Variants in HHEX observed in about 807,000 individuals in gnomAD.
The protein encoded by HHEX is hematopoietically-expressed homeobox protein HHEX.
Under a neutral mutation model 27.0 loss-of-function variants are expected in HHEX, and 8 were observed. That is an observed-to-expected ratio of 0.30 (90% CI 0.17 to 0.54). The LOEUF is 0.54. HHEX is among the 20% of genes least tolerant of loss of function. The probability of loss-of-function intolerance (pLI) is 0.95; values close to 1 mark genes in which losing one functional copy is unlikely to be tolerated. For synonymous variants in HHEX, 164 were observed against 161.5 expected, an observed-to-expected ratio of 1.02 and a Z score of -0.12; for missense variants, 326 against 357.2, an observed-to-expected ratio of 0.91 and a Z score of 0.70.
rs142036619 is a variant in HHEX, at chr10:92,690,177, C to T, written c.191C>T (p.Pro64Leu). 2 of 1,565,922 alleles carry T rather than the reference C, an allele frequency of 1.3e-6. No individual in the cohort carries two copies. Among genetic ancestry groups the T allele is most frequent in the South Asian group, 1.2e-5 (1 of 85,236 alleles). Residue 64 changes from proline to leucine, a missense_variant, in exon 1 of 4, where the codon CCC becomes CTC. Physicochemically the swap from Pro to Leu is moderately conservative, Grantham distance 98. This residue lies in a region of HHEX where 215 missense variants were observed against 196.4 expected (regional missense o/e 1.09). Coordinates refer to ENST00000282728, the MANE Select transcript of HHEX (RefSeq NM_002729.5). ...PNSSFTSLVSPYRTPVYEPTP... is the reference protein window; with the variant it reads ...PNSSFTSLVSLYRTPVYEPTP... ...TCCTCCTTCACCAGCCTCGTGTCCCCCTACCGGACCCCGGTGTACGAGCCC... is the reference window on the plus strand; with the variant it reads ...TCCTCCTTCACCAGCCTCGTGTCCCTCTACCGGACCCCGGTGTACGAGCCC...
rs764744029 is a variant in HHEX at position 92,690,162 on chromosome 10, C to T, written c.176C>T (p.Thr59Ile). 11 of 1,558,662 alleles carry T rather than the reference C, an allele frequency of 7.1e-6. No homozygotes were observed. Among genetic ancestry groups the T allele is most frequent in the South Asian group, 5.9e-5 (5 of 84,676 alleles). ...PTLPSPNSSF[T>I]SLVSPYRTPV... ...CTGCCGTCCCCCAACTCCTCCTTCA[C>T]CAGCCTCGTGTCCCCCTACCGGACC... The change falls in exon 1 of 4, where the codon ACC becomes ATC. Residue 59 changes from threonine to isoleucine, a missense_variant. Around this residue, in one of 4 missense-constraint regions of HHEX, gnomAD observed 215 missense variants for 196.4 expected, o/e 1.09. Transcript: ENST00000282728.
chr10:92,694,374 A>G lies in HHEX; in HGVS notation c.592-173A>G, dbSNP rs1330813597. Among the ~76,000 whole-genome samples the G allele has an allele frequency of 3.3e-5, 5 of 152,252 alleles. No homozygotes were observed. In the East Asian group the frequency reaches 9.6e-4, roughly 29 times the overall value. On this transcript the variant is annotated intron_variant, in intron 3 of 3. Coordinates refer to ENST00000282728, the MANE Select transcript of HHEX (RefSeq NM_002729.5). ...TTGATATGACAGAAACTTTTCTTCC[A>G]AAGTGAGCAAAAAGCACAAGTATGT...
At chr10:92,693,349 G>A (rs780675536) in intron 3 of HHEX, among the ~76,000 whole-genome samples, 31 of 152,112 alleles carry the variant, frequency 2.0e-4, no homozygotes, top group African/African-American at 5.3e-4. Context: ...ACCTTGTTTC[G>A]CAATATGTGA....
rs182124968 is a variant in HHEX, at chr10:92,692,618, C to T, written c.540+72C>T. 84 of 1,604,324 alleles carry T rather than the reference C, an allele frequency of 5.2e-5. 1 individual carries two copies. The Middle Eastern group carries it at 2.2e-3, about 41-fold the overall frequency. ...TCTGGGGTAGGGGTCGCCGGGCCACCGAGAGAGAGGCGAGGAGCCACCCTG... is the reference window on the plus strand; with the variant it reads ...TCTGGGGTAGGGGTCGCCGGGCCACTGAGAGAGAGGCGAGGAGCCACCCTG... On this transcript the variant is annotated intron_variant, in intron 2 of 3. Coordinates refer to ENST00000282728, the MANE Select transcript of HHEX (RefSeq NM_002729.5).
intron 3 of HHEX, 21 bp downstream of exon 3, chr10:92,692,773 C>T: frequency 6.3e-7 from 1 of 1,596,156 alleles, no homozygotes; most frequent in Non-Finnish European, 8.6e-7. Flanking sequence ...GGTTCTGTTT[C>T]TATGGAAATA....
At chr10:92,691,148 C>G (rs183799964) in intron 1 of HHEX, among the ~76,000 whole-genome samples, 1 of 152,130 alleles carries the variant, frequency 6.6e-6, no homozygotes, top group Non-Finnish European at 1.5e-5. Flanking sequence ...ACGGACCGAC[C>G]GACACTACTT....
At chr10:92,694,487 C>T in intron 3 of HHEX, 60 bp from the exon 4 acceptor site, 1 of 1,234,254 alleles carries the variant, frequency 8.1e-7, no homozygotes, top group Non-Finnish European at 1.2e-6. Flanking sequence ...TTGATTTATT[C>T]CTCTCACCTA....
At chr10:92,693,065 A>T (rs1289188527) in intron 3 of HHEX, among the ~76,000 whole-genome samples, 1 of 152,254 alleles carries the variant, frequency 6.6e-6, no homozygotes, top group Admixed American at 6.5e-5. Flanking sequence ...AAAGTAATTG[A>T]CAGTAAATGA....
chr10:92,689,972 G>C lies in HHEX; in HGVS notation c.-15G>C, dbSNP rs1404128253. On this transcript the variant is annotated 5_prime_UTR_variant, in exon 1 of 4. Transcript: ENST00000282728. The stretch of plus-strand genomic sequence containing the variant: ...GGGCCAGCAGCTCTGCGAGGGGCCG[G>C]AGCGCGGCGGAGCCATGCAGTACCC... The C allele has an allele frequency of 1.3e-5, 18 of 1,353,582 alleles. No individual in the cohort carries two copies. The African/African-American group carries it at 2.3e-4, about 17-fold the overall frequency. 83.8% of individuals were successfully genotyped at this position (1,353,582 alleles called of 1,614,324 possible).
Position 92,692,406 on chromosome 10 carries a change from C to G in HHEX, c.400C>G (p.Leu134Val). 1 of 1,614,032 alleles carries G rather than the reference C, an allele frequency of 6.2e-7. No individual in the cohort carries two copies. Among genetic ancestry groups the G allele is most frequent in the Non-Finnish European group, 8.5e-7 (1 of 1,180,002 alleles). ...CTGGAGCCCCTTCTTGCAGAGGCCT[C>G]TGCATAAAAGGAAAGGCGGCCAGGT... The part of the protein sequence containing the change: ...LLWSPFLQRP[L>V]HKRKGGQVRF... The change falls in exon 2 of 4, where the codon CTG becomes GTG. Residue 134 changes from leucine (L) to valine (V), a missense_variant. Leu to Val is a conservative substitution (Grantham distance 32). Coordinates refer to ENST00000282728, the MANE Select transcript of HHEX (RefSeq NM_002729.5).
chr10:92,690,416 AG>A, intron 1 of HHEX, 69 bp downstream of exon 1: 1 of 1,379,062 alleles, frequency 7.3e-7, no homozygotes, highest in Non-Finnish European at 9.4e-7. Flanking sequence ...CGGGAGGCCG[AG>A]GGGGCGAAGG....
In HHEX at chr10:92,692,738, A is replaced by AG; in HGVS notation, c.579dup (p.Arg194GlufsTer11). ...GTTTCAGAATCGACGCGCTAAATGG[A>AG]GGAGACTAAAACAGGTATGGACATG... On this transcript the variant is annotated frameshift_variant, in exon 3 of 4. Transcript: ENST00000282728. LOFTEE classifies it high-confidence loss of function. The AG allele has an allele frequency of 6.2e-7, 1 of 1,613,492 alleles. No homozygotes were observed. Among genetic ancestry groups the AG allele is most frequent in the Non-Finnish European group, 8.5e-7 (1 of 1,179,452 alleles).
chr10:92,694,368 T>C (rs954434568), intron 3 of HHEX, among the ~76,000 whole-genome samples, 179 bp from the exon 4 acceptor site: 2 of 152,206 alleles, frequency 1.3e-5, no homozygotes, highest in African/African-American at 4.8e-5. Context: ...CAGAAACTTT[T>C]CTTCCAAAGT....
At chr10:92,694,358 CAG>C (rs1291028074) in intron 3 of HHEX, among the ~76,000 whole-genome samples, 187 bp from the exon 4 acceptor site, 1 of 152,150 alleles carries the variant, frequency 6.6e-6, no homozygotes, top group African/African-American at 2.4e-5. Context: ...TTTGATATGA[CAG>C]AAACTTTTCT....
Position 92,694,597 on chromosome 10 carries a change from C to G in HHEX, c.642C>G (p.Ser214=). Residue 214 remains serine (S), a synonymous_variant, in exon 4 of 4, where the codon TCC becomes TCG. Transcript: ENST00000282728. ...KKEELESLDS[S]CDQRQDLPSE... The stretch of plus-strand genomic sequence containing the variant: ...AAGAACTGGAAAGTTTGGACAGTTC[C>G]TGTGATCAGAGGCAAGATTTGCCCA... The G allele has an allele frequency of 6.2e-7, 1 of 1,614,096 alleles. No homozygotes were observed. The highest frequency in any genetic ancestry group is 8.5e-7 in the Non-Finnish European group (1 of 1,179,998).
At chr10:92,692,347 C>G in intron 1 of HHEX, 21 bp from the exon 2 acceptor site, 1 of 1,611,046 alleles carries the variant, frequency 6.2e-7, no homozygotes, top group Non-Finnish European at 8.5e-7. Context: ...AGTGGGTGAG[C>G]GCCGCTCTTC....
Position 92,690,251 on chromosome 10 carries a change from G to A in HHEX, c.265G>A (p.Ala89Thr). Residue 89 changes from alanine to threonine, a missense_variant, in exon 1 of 4, where the codon GCT becomes ACT. By Grantham distance (58) the Ala-to-Thr change is moderately conservative. Coordinates refer to ENST00000282728, the MANE Select transcript of HHEX (RefSeq NM_002729.5). Reference sequence around the variant, plus strand: ...GCACCACTCCGCCGCCGCGCTGGCCGCTGCCTACGGACCCGGCGGCTTCGG... The same window carrying A: ...GCACCACTCCGCCGCCGCGCTGGCCACTGCCTACGGACCCGGCGGCTTCGG... ...FSHHSAAALA[A>T]AYGPGGFGGP... 1.3e-6 allele frequency: 2 copies of A among 1,562,002 alleles called. No individual in the cohort carries two copies. The highest frequency in any genetic ancestry group is 1.7e-6 in the Non-Finnish European group (2 of 1,153,932).
chr10:92,692,900 T>G (rs1845371841), intron 3 of HHEX, 148 bp downstream of exon 3: 3 of 683,330 alleles, frequency 4.4e-6, no homozygotes, highest in Admixed American at 2.7e-5. Flanking sequence ...CTGCTGAAAT[T>G]CAGGATGAGT....
At chr10:92,692,307 C>T (rs549978858) in intron 1 of HHEX, 61 bp from the exon 2 acceptor site, 1 of 1,568,932 alleles carries the variant, frequency 6.4e-7, no homozygotes, top group African/African-American at 1.4e-5. Context: ...GGCCCGACAG[C>T]TCTGGGGTCT....
Sources: gnomAD v4.1 joint callset for allele counts (sites outside exome capture counted in the v4.1 genomes callset) on GRCh38, gnomAD v4.1.1 for gene constraint, gnomAD v4.1.1 regional missense constraint, MANE v1.5 for transcripts, NCBI Gene and HGNC (gene_info 2026-07-23, HGNC 2026-07-21) for gene names.